Variants in COG2 observed in about 807,000 individuals in gnomAD.
COG2 encodes the protein component of oligomeric golgi complex 2.
Under a neutral mutation model 90.6 loss-of-function variants are expected in COG2, and 52 were observed. The observed-to-expected ratio is 0.57, with a 90% CI of 0.46 to 0.72. The LOEUF (loss-of-function observed/expected upper bound fraction) is 0.72. COG2 is among the 30% of genes least tolerant of loss of function. The pLI is 0.00. For missense variants in COG2, 829 were observed against 891.2 expected, an observed-to-expected ratio of 0.93 and a Z score of 0.89; for synonymous variants, 337 against 320.4, an observed-to-expected ratio of 1.05 and a Z score of -0.55.
intron 1 of COG2, among the ~76,000 whole-genome samples, chr1:230,652,543 C>T (rs1482156161): frequency 1.3e-5 from 2 of 152,194 alleles, no homozygotes; most frequent in Non-Finnish European, 2.9e-5. Flanking sequence ...TATGGACATA[C>T]ATTTTCAACC....
chr1:230,652,410 A>G (rs1661935829), intron 1 of COG2, among the ~76,000 whole-genome samples: 1 of 152,204 alleles, frequency 6.6e-6, no homozygotes, highest in South Asian at 2.1e-4. Context: ...TTGCTGAGTA[A>G]TGTTCCATGT....
At chr1:230,645,891 C>T (rs1661762582) in intron 1 of COG2, among the ~76,000 whole-genome samples, 1 of 152,142 alleles carries the variant, frequency 6.6e-6, no homozygotes, top group African/African-American at 2.4e-5. Context: ...TGCCACTGAT[C>T]TGACAGGAGG....
At chr1:230,649,326 G>A (rs1661860164) in intron 1 of COG2, among the ~76,000 whole-genome samples, 1 of 152,160 alleles carries the variant, frequency 6.6e-6, no homozygotes, top group Non-Finnish European at 1.5e-5. Context: ...ACTGGGGACA[G>A]CACTAGGTTT....
chr1:230,660,920 A>G (rs1662166085), intron 3 of COG2, 97 bp downstream of exon 3: 1 of 757,770 alleles, frequency 1.3e-6, no homozygotes, highest in African/African-American at 1.8e-5. Context: ...TAGGTTGTTG[A>G]TTTTTGTTTT....
chr1:230,688,636 A>G, intron 15 of COG2, 74 bp downstream of exon 15: 1 of 1,538,618 alleles, frequency 6.5e-7, no homozygotes, highest in Non-Finnish European at 8.9e-7. Context: ...GAAGGAAGGA[A>G]GGAAGCGGCG....
chr1:230,693,487 C>A lies in COG2; in HGVS notation c.*94C>A. 1.4e-6 allele frequency: 1 copy of A among 725,054 alleles called. No homozygotes were observed. Among genetic ancestry groups the A allele is most frequent in the Middle Eastern group, 2.5e-4 (1 of 3,954 alleles). The allele number at this position is 725,054 out of a possible 1,614,324, so 44.9% of individuals were successfully genotyped here. A position where few individuals can be genotyped will look rare whatever the true frequency, so the allele number is the denominator to read the frequency against. ...GAAAGTGACTCTGTTCTCTTAGCAA[C>A]CGTCTGTAGCAAAGAAGTGCTTCCA... is the stretch of plus-strand genomic sequence containing the variant. On this transcript the variant is annotated 3_prime_UTR_variant, in exon 18 of 18. Transcript: ENST00000366669.
chr1:230,678,842 A>G (rs1001857598), intron 9 of COG2, 71 bp from the exon 10 acceptor site: 1 of 1,592,206 alleles, frequency 6.3e-7, no homozygotes, highest in East Asian at 2.2e-5. Flanking sequence ...TCTTGATTAC[A>G]GTTTTCAGTA....
chr1:230,691,732 C>T (rs1663035190), intron 17 of COG2, 168 bp downstream of exon 17: 1 of 594,142 alleles, frequency 1.7e-6, no homozygotes, highest in East Asian at 2.9e-5. Context: ...TGCCCCTAGG[C>T]AGTATGAGAC....
chr1:230,673,858 A>G (rs1296857501), intron 8 of COG2, among the ~76,000 whole-genome samples: 2 of 152,200 alleles, frequency 1.3e-5, no homozygotes, highest in Non-Finnish European at 2.9e-5. Context: ...TTGATAACTT[A>G]TCTGTCTTGA....
intron 1 of COG2, among the ~76,000 whole-genome samples, chr1:230,658,598 C>G (rs113473990): frequency 2.0e-4 from 31 of 152,316 alleles, no homozygotes; most frequent in Non-Finnish European, 3.2e-4. Context: ...AGGTCCGCTG[C>G]TCTCTCTAGA....
chr1:230,642,810 T>A (rs1661658561), intron 1 of COG2, 132 bp downstream of exon 1: 1 of 804,260 alleles, frequency 1.2e-6, no homozygotes, highest in African/African-American at 1.8e-5. Context: ...GAGACCTCGC[T>A]GCACTTCGCA....
chr1:230,652,577 A>G (rs1355493765), intron 1 of COG2, among the ~76,000 whole-genome samples: 1 of 152,216 alleles, frequency 6.6e-6, no homozygotes, highest in African/African-American at 2.4e-5. Context: ...ACGGAGCACA[A>G]TTGGCAAGAC....
At chr1:230,665,842 C>A (rs1662307437) in intron 5 of COG2, among the ~76,000 whole-genome samples, 3 of 152,130 alleles carry the variant, frequency 2.0e-5, no homozygotes, top group African/African-American at 7.2e-5. Flanking sequence ...ATTGACAGCC[C>A]CTCCCAACTA....
At chr1:230,653,486 G>T (rs968986817) in intron 1 of COG2, among the ~76,000 whole-genome samples, 8 of 41,466 alleles carry the variant, frequency 1.9e-4, no homozygotes, top group African/African-American at 8.9e-4. Context: ...CTCTCAAAGC[G>T]CTGGCATTAC....
chr1:230,688,069 A>G lies in COG2; in HGVS notation c.1579-2A>G. On this transcript the variant is annotated splice_acceptor_variant, in intron 13 of 17. Coordinates refer to ENST00000366669, the MANE Select transcript of COG2 (RefSeq NM_007357.3). LOFTEE classifies it high-confidence loss of function. ...AATATATAAAGTGCATATTTATTTC[A>G]GCTTCCAGAACTCTTGGAAATAATC... 1 of 1,583,430 alleles carries G rather than the reference A, an allele frequency of 6.3e-7. No homozygotes were observed. The highest frequency in any genetic ancestry group is 8.6e-7 in the Non-Finnish European group (1 of 1,167,386).
intron 1 of COG2, among the ~76,000 whole-genome samples, chr1:230,656,121 A>T (rs775003542): frequency 1.3e-4 from 20 of 151,294 alleles, no homozygotes; most frequent in Non-Finnish European, 2.9e-4. Flanking sequence ...TTCTGCTCTG[A>T]TCTTAGTTAT....
At chr1:230,655,166 G>C (rs1032895402) in intron 1 of COG2, among the ~76,000 whole-genome samples, 2 of 152,180 alleles carry the variant, frequency 1.3e-5, no homozygotes, top group South Asian at 2.1e-4. Context: ...GGGCATCCCT[G>C]TCTTATGCCA....
intron 5 of COG2, among the ~76,000 whole-genome samples, chr1:230,668,039 T>C (rs1662360962): frequency 6.6e-6 from 1 of 152,214 alleles, no homozygotes; most frequent in African/African-American, 2.4e-5. Context: ...GTAAATGTAA[T>C]TTTAAAGTAA....
chr1:230,688,677 C>T, intron 15 of COG2, 115 bp downstream of exon 15: 2 of 1,174,406 alleles, frequency 1.7e-6, no homozygotes, highest in Admixed American at 3.7e-5. Context: ...ACAGACTGAG[C>T]TCATCCCATT....
Sources: allele counts gnomAD v4.1 joint callset (sites outside exome capture counted in the v4.1 genomes callset), GRCh38; gene constraint gnomAD v4.1.1; transcripts MANE v1.5; gene names NCBI Gene and HGNC (gene_info 2026-07-23, HGNC 2026-07-21).